The following FBXW10B variants were observed in gnomAD, a reference collection of about 807,000 sequenced individuals.
The protein encoded by FBXW10B is F-box and WD repeat domain containing protein 10B.
the FBXW10B span, among the ~76,000 whole-genome samples, chr17:15,570,960 GA>G: frequency 1.3e-5 from 2 of 152,200 alleles, no homozygotes; most frequent in Non-Finnish European, 2.9e-5. Flanking sequence ...CACAGAGTAG[GA>G]GATAACATTT....
chr17:15,615,611 C>G, the FBXW10B span: 39 of 1,613,150 alleles, frequency 2.4e-5, no homozygotes, highest in Non-Finnish European at 3.1e-5. Flanking sequence ...CCGCACCTAG[C>G]CCATATTGGC....
chr17:15,595,940 A>G, the FBXW10B span, among the ~76,000 whole-genome samples: 1 of 141,010 alleles, frequency 7.1e-6, no homozygotes, highest in Admixed American at 7.3e-5. Context: ...TTTGAGACGC[A>G]TGATCTCAGC....
chr17:15,606,221 G>A, the FBXW10B span, among the ~76,000 whole-genome samples: 1 of 140,856 alleles, frequency 7.1e-6, no homozygotes, highest in African/African-American at 2.8e-5. Context: ...GAGCCACCAC[G>A]CCCAACCTGG....
At chr17:15,565,750 A>C in the FBXW10B span, 1 of 1,613,894 alleles carries the variant, frequency 6.2e-7, no homozygotes, top group Non-Finnish European at 8.5e-7. Flanking sequence ...CTCAGCGTTC[A>C]CTCTAAAAGG....
At chr17:15,585,940 C>A in the FBXW10B span, among the ~76,000 whole-genome samples, 1 of 142,558 alleles carries the variant, frequency 7.0e-6, no homozygotes, top group Non-Finnish European at 1.5e-5. Context: ...TATTCATTTT[C>A]TTCTTTTTTT....
At chr17:15,608,367 A>G in the FBXW10B span, among the ~76,000 whole-genome samples, 2 of 150,948 alleles carry the variant, frequency 1.3e-5, no homozygotes, top group Non-Finnish European at 2.9e-5. Context: ...TCACCATGTT[A>G]GCCAGGATGG....
the FBXW10B span, among the ~76,000 whole-genome samples, chr17:15,604,148 G>A: frequency 6.7e-6 from 1 of 150,038 alleles, no homozygotes; most frequent in African/African-American, 2.5e-5. Flanking sequence ...AATGAGTTAT[G>A]ATACAATCAT....
chr17:15,591,399 C>T, the FBXW10B span, among the ~76,000 whole-genome samples: 5 of 152,172 alleles, frequency 3.3e-5, no homozygotes, highest in Non-Finnish European at 7.4e-5. Flanking sequence ...AAGCGATTCT[C>T]GTGCCTCAGC....
At chr17:15,584,145 C>G in the FBXW10B span, among the ~76,000 whole-genome samples, 1 of 152,052 alleles carries the variant, frequency 6.6e-6, no homozygotes, top group African/African-American at 2.4e-5. Flanking sequence ...AAAAGTCTAC[C>G]CATAAGATAT....
the FBXW10B span, among the ~76,000 whole-genome samples, chr17:15,584,731 T>G: frequency 7.9e-5 from 12 of 152,302 alleles, no homozygotes; most frequent in Middle Eastern, 3.4e-3. Flanking sequence ...GCATGGCTTG[T>G]CAGCCTACCC....
the FBXW10B span, among the ~76,000 whole-genome samples, chr17:15,576,205 T>G: frequency 6.6e-6 from 1 of 152,222 alleles, no homozygotes; most frequent in East Asian, 1.9e-4. Flanking sequence ...ATATCCTTTT[T>G]GCTGGTCTAT....
chr17:15,610,811 C>T, the FBXW10B span, among the ~76,000 whole-genome samples: 2 of 152,028 alleles, frequency 1.3e-5, no homozygotes, highest in African/African-American at 4.8e-5. Flanking sequence ...ACTGTATCAC[C>T]CAAGGAAGAA....
At chr17:15,614,170 A>G in the FBXW10B span, 13 of 1,104,788 alleles carry the variant, frequency 1.2e-5, no homozygotes, top group South Asian at 2.1e-4. Context: ...GATTTTTGTC[A>G]TCTCTTCTGC....
the FBXW10B span, among the ~76,000 whole-genome samples, chr17:15,608,382 G>A: frequency 3.3e-5 from 5 of 151,350 alleles, no homozygotes; most frequent in Middle Eastern, 3.4e-3. Context: ...GGATGGTCTC[G>A]ATCTCTTGAC....
chr17:15,574,145 G>T, the FBXW10B span: 5 of 751,654 alleles, frequency 6.7e-6, no homozygotes, highest in South Asian at 6.9e-5. Context: ...GCTTCCTTGA[G>T]AGTGTGCCAA....
chr17:15,596,411 C>G, the FBXW10B span: 1 of 1,334,256 alleles, frequency 7.5e-7, no homozygotes, highest in Non-Finnish European at 1.0e-6. Flanking sequence ...TTCTTGAAGG[C>G]CATACTCAGT....
At chr17:15,605,593 TC>T in the FBXW10B span, 1 of 911,392 alleles carries the variant, frequency 1.1e-6, no homozygotes, top group Non-Finnish European at 1.3e-6. Context: ...CTCTGAGGGA[TC>T]CCCACTCTCA....
At chr17:15,595,066 G>C in the FBXW10B span, 1 of 478,810 alleles carries the variant, frequency 2.1e-6, no homozygotes, top group Non-Finnish European at 2.7e-6. Flanking sequence ...TGGAGGCCGG[G>C]CGCGGTGGCT....
At chr17:15,584,148 T>A in the FBXW10B span, among the ~76,000 whole-genome samples, 1 of 152,148 alleles carries the variant, frequency 6.6e-6, no homozygotes, top group Non-Finnish European at 1.5e-5. Context: ...AGTCTACCCA[T>A]AAGATATTTA....
Sources: gnomAD v4.1 joint callset for allele counts (sites outside exome capture counted in the v4.1 genomes callset) on GRCh38, gnomAD v4.1.1 for gene constraint, MANE v1.5 for transcripts, NCBI Gene and HGNC (gene_info 2026-07-23, HGNC 2026-07-21) for gene names.